The following CSMD1 variants were observed in gnomAD, a reference collection of about 807,000 sequenced individuals.
CSMD1 encodes CUB and sushi domain-containing protein 1.
A neutral mutation model predicts 417.5 loss-of-function variants in CSMD1; 213 were observed. That is an observed-to-expected ratio of 0.51 (90% CI 0.46 to 0.57). The LOEUF is 0.57. Ranked by LOEUF, CSMD1 falls within the 20% of genes least tolerant of loss-of-function variation. The pLI is 0.00. For missense variants in CSMD1, 6,923 were observed against 4,529.7 expected, an observed-to-expected ratio of 1.53 and a Z score of -15.17; for synonymous variants, 2,862 against 1,736.8, an observed-to-expected ratio of 1.65 and a Z score of -16.11.
At chr8:3,504,542 C>A (rs918766593) in intron 10 of CSMD1, among the ~76,000 whole-genome samples, 3 of 152,192 alleles carry the variant, frequency 2.0e-5, no homozygotes, top group African/African-American at 7.2e-5. Flanking sequence ...GTCTGCCAGA[C>A]CCAGGCACAT....
rs185633464 is a variant in CSMD1, at chr8:4,007,594, G to A, written c.611-9484C>T. Among the ~76,000 whole-genome samples, 9 of 152,160 alleles carry A rather than the reference G, an allele frequency of 5.9e-5. No homozygotes were observed. In the South Asian group the frequency reaches 6.2e-4, roughly 11 times the overall value. ...CGGTGCGTGCTGAGTGCAAAGCAAT[G>A]GAATGCAAGCTTTATGAGCCTGTTC... is the stretch of plus-strand genomic sequence containing the variant. On this transcript the variant is annotated intron_variant, in intron 4 of 69. Transcript: ENST00000635120.
At chr8:3,482,074 T>TA (rs1232826671) in intron 11 of CSMD1, among the ~76,000 whole-genome samples, 2 of 151,814 alleles carry the variant, frequency 1.3e-5, no homozygotes, top group African/African-American at 2.4e-5. Flanking sequence ...AAGATAAAAT[T>TA]AAAAAACAAA....
chr8:3,656,891 C>A (rs1334224892), intron 7 of CSMD1, among the ~76,000 whole-genome samples: 1 of 151,204 alleles, frequency 6.6e-6, no homozygotes, highest in Admixed American at 6.6e-5. Flanking sequence ...CACCACTGCA[C>A]TCCAGCCTGG....
intron 1 of CSMD1, among the ~76,000 whole-genome samples, chr8:4,866,677 C>T (rs1802437994): frequency 1.3e-5 from 2 of 151,776 alleles, no homozygotes; most frequent in Admixed American, 6.6e-5. Context: ...ACCAGATTTA[C>T]AATGAAATAA....
At chr8:3,465,079 G>A (rs1563064965) in intron 12 of CSMD1, among the ~76,000 whole-genome samples, 2 of 152,180 alleles carry the variant, frequency 1.3e-5, no homozygotes, top group Non-Finnish European at 2.9e-5. Flanking sequence ...ACATACACAT[G>A]CCAACTGAAG....
At chr8:4,575,918 G>A (rs1563301482) in intron 2 of CSMD1, among the ~76,000 whole-genome samples, 1 of 152,164 alleles carries the variant, frequency 6.6e-6, no homozygotes, top group Non-Finnish European at 1.5e-5. Context: ...TCGTTCCAGT[G>A]TAAATCAAAC....
chr8:3,617,509 G>A lies in CSMD1; in HGVS notation c.1010-712C>T, dbSNP rs548650612. Among the ~76,000 whole-genome samples the A allele has an allele frequency of 3.3e-5, 5 of 152,102 alleles. No individual in the cohort carries two copies. In the East Asian group the frequency reaches 9.6e-4, roughly 29 times the overall value. ...AGGAATTTGCTTAGCAGAGGGCTTG[G>A]GACCCAATTCAGTATAATGAGATGT... On this transcript the variant is annotated intron_variant, in intron 7 of 69. Transcript: ENST00000635120.
chr8:3,766,956 G>A (rs1253110798), intron 5 of CSMD1, among the ~76,000 whole-genome samples: 7 of 152,214 alleles, frequency 4.6e-5, no homozygotes, highest in Non-Finnish European at 5.9e-5. Context: ...GATGCAGCAC[G>A]GCTAATGCAA....
intron 3 of CSMD1, among the ~76,000 whole-genome samples, chr8:4,399,154 T>C (rs1804469509): frequency 1.3e-5 from 2 of 152,194 alleles, no homozygotes; most frequent in African/African-American, 4.8e-5. Flanking sequence ...AAACTTTGTG[T>C]GATCAGCATA....
chr8:4,112,367 G>C (rs2130913946), intron 3 of CSMD1, among the ~76,000 whole-genome samples: 1 of 152,272 alleles, frequency 6.6e-6, no homozygotes, highest in African/African-American at 2.4e-5. Context: ...CCATCGCAGA[G>C]AACCCATCCA....
At chr8:4,973,887 G>A (rs1373744727) in intron 1 of CSMD1, among the ~76,000 whole-genome samples, 3 of 152,074 alleles carry the variant, frequency 2.0e-5, no homozygotes, top group Non-Finnish European at 4.4e-5. Flanking sequence ...ATCACACCTG[G>A]CTGAAAACAT....
At chr8:4,196,261 C>T (rs1006070297) in intron 3 of CSMD1, among the ~76,000 whole-genome samples, 1 of 152,094 alleles carries the variant, frequency 6.6e-6, no homozygotes, top group Non-Finnish European at 1.5e-5. Flanking sequence ...CTGTGTCAAG[C>T]CACTCTTTTG....
At chr8:3,920,846 C>G (rs759155174) in intron 5 of CSMD1, among the ~76,000 whole-genome samples, 8 of 152,086 alleles carry the variant, frequency 5.3e-5, no homozygotes, top group Non-Finnish European at 1.0e-4. Context: ...TGTATGATCC[C>G]TTTAATGTGC....
At chr8:4,750,195 G>C (rs568848214) in intron 1 of CSMD1, among the ~76,000 whole-genome samples, 2 of 151,944 alleles carry the variant, frequency 1.3e-5, no homozygotes, top group Non-Finnish European at 2.9e-5. Context: ...TTTTAGTAGA[G>C]ACAGGGTTTC....
chr8:4,055,049 C>A (rs918470747), intron 3 of CSMD1, among the ~76,000 whole-genome samples: 8 of 152,126 alleles, frequency 5.3e-5, no homozygotes, highest in Non-Finnish European at 8.8e-5. Context: ...CATGAATATA[C>A]TATATTCAAA....
chr8:3,316,839 G>A (rs926416125), intron 23 of CSMD1, among the ~76,000 whole-genome samples: 1 of 152,080 alleles, frequency 6.6e-6, no homozygotes, highest in Non-Finnish European at 1.5e-5. Context: ...ACTGACACAA[G>A]TATATTCGTA....
At chr8:4,792,326 G>C (rs1797735978) in intron 1 of CSMD1, among the ~76,000 whole-genome samples, 1 of 152,166 alleles carries the variant, frequency 6.6e-6, no homozygotes, top group African/African-American at 2.4e-5. Context: ...AATTCTTAAA[G>C]TAGTCCAGTA....
Position 4,994,507 on chromosome 8 carries a change from G to A in CSMD1, c.-91C>T. 8.2e-7 allele frequency: 1 copy of A among 1,220,330 alleles called. No individual in the cohort carries two copies. The highest frequency in any genetic ancestry group is 1.3e-5 in the South Asian group (1 of 76,936). 75.6% of individuals were successfully genotyped at this position (1,220,330 alleles called of 1,614,324 possible). On this transcript the variant is annotated 5_prime_UTR_variant, in exon 1 of 70. Transcript: ENST00000635120. ...GAGCCAAATAATCACCCGAGGGCAA[G>A]GCGAGCCGGAGAGAGAGCCCGGTCC...
chr8:4,851,954 A>G (rs1225372847), intron 1 of CSMD1, among the ~76,000 whole-genome samples: 1 of 152,130 alleles, frequency 6.6e-6, no homozygotes, highest in African/African-American at 2.4e-5. Flanking sequence ...GGCTGAGTAA[A>G]CCACTAGTCT....
Sources: allele counts gnomAD v4.1 joint callset (sites outside exome capture counted in the v4.1 genomes callset), GRCh38; gene constraint gnomAD v4.1.1; transcripts MANE v1.5; gene names NCBI Gene and HGNC (gene_info 2026-07-23, HGNC 2026-07-21).